The following FAM184A variants were observed in gnomAD, a reference collection of about 807,000 sequenced individuals.
The protein encoded by FAM184A is family with sequence similarity 184 member A.
FAM184A carries 99 observed loss-of-function variants against 143.8 expected under a neutral mutation model. That is an observed-to-expected ratio of 0.69 (90% CI 0.58 to 0.81). The LOEUF (loss-of-function observed/expected upper bound fraction) is 0.81. Among genes scored for constraint, FAM184A ranks in the 40% least tolerant of loss-of-function variants. The pLI is 0.00. For synonymous variants in FAM184A, 427 were observed against 446.4 expected (o/e 0.96, Z 0.55); for missense variants, 1,217 against 1,310.5 (o/e 0.93, Z 1.10).
At chr6:119,068,050 T>G (rs1371988495) in intron 1 of FAM184A, among the ~76,000 whole-genome samples, 163 of 7,894 alleles carry the variant, frequency 0.021, no homozygotes, top group African/African-American at 0.041. Context: ...TGTGTGGGTT[T>G]TTTTTTTTTT....
At chr6:119,018,646 A>G (rs1427841454) in intron 4 of FAM184A, among the ~76,000 whole-genome samples, 3 of 152,220 alleles carry the variant, frequency 2.0e-5, no homozygotes, top group Non-Finnish European at 4.4e-5. Context: ...ATACTTTTAA[A>G]AACAATCATC....
At chr6:119,145,582 T>C (rs1772398167) in intron 1 of FAM184A, among the ~76,000 whole-genome samples, 2 of 152,170 alleles carry the variant, frequency 1.3e-5, no homozygotes, top group Non-Finnish European at 2.9e-5. Flanking sequence ...GTTTTTGACA[T>C]GAAAGGCCCT....
At chr6:118,983,355 T>C (rs1000532937) in intron 9 of FAM184A, among the ~76,000 whole-genome samples, 1 of 152,100 alleles carries the variant, frequency 6.6e-6, no homozygotes, top group Non-Finnish European at 1.5e-5. Context: ...GAAATACATA[T>C]TAATGTAAAA....
chr6:118,966,612 T>C lies in FAM184A; in HGVS notation c.3033+223A>G, dbSNP rs540181767. 4.6e-5 allele frequency among the ~76,000 whole-genome samples: 7 copies of C among 152,258 alleles called. No individual in the cohort carries two copies. In the East Asian group the frequency reaches 1.2e-3, roughly 25 times the overall value. ...CATTCAATATGTATCAAAAAGACTT[T>C]CTTTTAAAAAAAATGAAAGACGTAC... On this transcript the variant is annotated intron_variant, in intron 15 of 17. Transcript: ENST00000338891.
intron 12 of FAM184A, 111 bp from the exon 13 acceptor site, chr6:118,975,319 T>C (rs1783813563): frequency 3.7e-6 from 3 of 809,608 alleles, no homozygotes; most frequent in Middle Eastern, 3.6e-4. Context: ...CATTCTGACA[T>C]TGCTTCTTCA....
chr6:119,072,461 A>C (rs776483785), intron 1 of FAM184A, among the ~76,000 whole-genome samples: 1 of 152,244 alleles, frequency 6.6e-6, no homozygotes, highest in Non-Finnish European at 1.5e-5. Context: ...CAAAGACTCA[A>C]GTCATAAGCA....
Position 118,975,023 on chromosome 6 carries a change from C to T in FAM184A, c.2768+1G>A. 2 of 1,609,424 alleles carry T rather than the reference C, an allele frequency of 1.2e-6. No individual in the cohort carries two copies. Among genetic ancestry groups the T allele is most frequent in the Non-Finnish European group, 1.7e-6 (2 of 1,176,904 alleles). On this transcript the variant is annotated splice_donor_variant, in intron 13 of 17. Transcript: ENST00000338891. LOFTEE classifies it high-confidence loss of function. ...TCCTTCTGTTGTACTTAATGGCATA[C>T]CTTATCTGTTGGTTAGATTCACTTC...
chr6:119,135,292 T>G (rs921997858), intron 1 of FAM184A, among the ~76,000 whole-genome samples: 1 of 152,104 alleles, frequency 6.6e-6, no homozygotes, highest in Non-Finnish European at 1.5e-5. Context: ...GAAAAGAGAA[T>G]GGTCAATACC....
intron 1 of FAM184A, among the ~76,000 whole-genome samples, chr6:119,104,547 A>G (rs964640724): frequency 4.6e-5 from 7 of 152,220 alleles, no homozygotes; most frequent in African/African-American, 1.2e-4. Flanking sequence ...CGCAAATAGT[A>G]TCACACAGAA....
intron 1 of FAM184A, among the ~76,000 whole-genome samples, chr6:119,101,263 G>C (rs895969321): frequency 7.3e-5 from 11 of 151,636 alleles, no homozygotes; most frequent in African/African-American, 2.7e-4. Flanking sequence ...GTAGAGACGG[G>C]GTTTCTCCAC....
At chr6:118,960,301 C>G in intron 17 of FAM184A, 117 bp from the exon 18 acceptor site, 1 of 775,162 alleles carries the variant, frequency 1.3e-6, no homozygotes, top group Non-Finnish European at 2.1e-6. Flanking sequence ...TGTTGTAAGT[C>G]GTGTTTTAAA....
At chr6:118,962,000 C>T (rs1281650360) in intron 16 of FAM184A, 37 bp from the exon 17 acceptor site, 1 of 1,586,324 alleles carries the variant, frequency 6.3e-7, no homozygotes, top group African/African-American at 1.3e-5. Flanking sequence ...ATAGTCCCTG[C>T]ATGAGGACAA....
At chr6:119,026,249 A>C (rs1288863399) in intron 1 of FAM184A, among the ~76,000 whole-genome samples, 2 of 152,172 alleles carry the variant, frequency 1.3e-5, no homozygotes, top group African/African-American at 4.8e-5. Context: ...ACTTATTCAC[A>C]TTCTGTTTTT....
chr6:119,095,599 C>G (rs1788484880), intron 1 of FAM184A, among the ~76,000 whole-genome samples: 1 of 152,042 alleles, frequency 6.6e-6, no homozygotes, highest in South Asian at 2.1e-4. Context: ...TACTCTGTTG[C>G]CCAGGCTACA....
intron 1 of FAM184A, among the ~76,000 whole-genome samples, chr6:119,040,655 C>A (rs775225458): frequency 2.0e-5 from 3 of 152,110 alleles, no homozygotes; most frequent in Admixed American, 6.6e-5. Context: ...GGCTCTTTTC[C>A]GGGACAAATA....
intron 12 of FAM184A, 23 bp downstream of exon 12, chr6:118,975,894 G>T: frequency 6.2e-7 from 1 of 1,601,592 alleles, no homozygotes. Context: ...GAAATCATCA[G>T]AGTACAGAAT....
intron 1 of FAM184A, among the ~76,000 whole-genome samples, chr6:119,099,024 C>G (rs573382844): frequency 2.0e-5 from 3 of 152,142 alleles, no homozygotes; most frequent in Admixed American, 1.3e-4. Flanking sequence ...GCAGGAGAAT[C>G]GCTTGAACCT....
intron 1 of FAM184A, among the ~76,000 whole-genome samples, chr6:119,041,461 T>C (rs1474627282): frequency 1.3e-5 from 2 of 152,090 alleles, no homozygotes; most frequent in South Asian, 2.1e-4. Context: ...AGTAAAGAAA[T>C]AGCCAATCAT....
At chr6:118,978,663 A>G (rs1242874850) in intron 11 of FAM184A, among the ~76,000 whole-genome samples, 3 of 152,200 alleles carry the variant, frequency 2.0e-5, no homozygotes, top group Non-Finnish European at 4.4e-5. Flanking sequence ...TTTGAGGCCC[A>G]AAATATTGAT....
Sources: gnomAD v4.1 joint callset for allele counts (sites outside exome capture counted in the v4.1 genomes callset) on GRCh38, gnomAD v4.1.1 for gene constraint, MANE v1.5 for transcripts, NCBI Gene and HGNC (gene_info 2026-07-23, HGNC 2026-07-21) for gene names.